Variants in DENND4C observed in about 807,000 individuals in gnomAD.
DENND4C encodes DENN domain-containing protein 4C.
DENND4C carries 108 observed loss-of-function variants against 203.0 expected under a neutral mutation model. The ratio of observed to expected loss-of-function variants is 0.53; its 90% confidence interval spans 0.46 to 0.62. DENND4C has a LOEUF of 0.62. Among genes scored for constraint, DENND4C ranks in the 20% least tolerant of loss-of-function variants. The pLI is 0.00. For synonymous variants in DENND4C, 871 were observed against 792.4 expected (o/e 1.10, Z -1.67); for missense variants, 2,481 against 2,301.2 (o/e 1.08, Z -1.60).
At chr9:19,281,687 G>T (rs1834072510) in intron 2 of DENND4C, among the ~76,000 whole-genome samples, 1 of 152,154 alleles carries the variant, frequency 6.6e-6, no homozygotes, top group Non-Finnish European at 1.5e-5. Context: ...TTAACGATGG[G>T]AATACATTCT....
At chr9:19,345,213 G>A (rs955386109) in intron 22 of DENND4C, among the ~76,000 whole-genome samples, 1 of 152,206 alleles carries the variant, frequency 6.6e-6, no homozygotes, top group East Asian at 1.9e-4. Context: ...GTAAAAGACT[G>A]CTTTCTTTTT....
chr9:19,254,883 G>T (rs560491995), intron 1 of DENND4C, among the ~76,000 whole-genome samples: 1 of 152,264 alleles, frequency 6.6e-6, no homozygotes, highest in African/African-American at 2.4e-5. Flanking sequence ...TGTAACCCCC[G>T]CACTTTGGGA....
intron 23 of DENND4C, among the ~76,000 whole-genome samples, chr9:19,348,235 T>A (rs1217237220): frequency 6.6e-6 from 1 of 152,196 alleles, no homozygotes; most frequent in South Asian, 2.1e-4. Context: ...AGAGGCTAAT[T>A]AGCTTCTCAA....
chr9:19,320,685 C>T (rs1032811476), intron 12 of DENND4C, among the ~76,000 whole-genome samples: 1 of 152,204 alleles, frequency 6.6e-6, no homozygotes, highest in Non-Finnish European at 1.5e-5. Flanking sequence ...GTGCTCACTT[C>T]TTCCTATTGC....
At chr9:19,234,791 C>G (rs1225164720) in intron 1 of DENND4C, among the ~76,000 whole-genome samples, 1 of 152,004 alleles carries the variant, frequency 6.6e-6, no homozygotes, top group Non-Finnish European at 1.5e-5. Flanking sequence ...ATCCACCCAT[C>G]TCAGCCTCCC....
intron 31 of DENND4C, among the ~76,000 whole-genome samples, chr9:19,370,691 C>T (rs1054768295): frequency 6.6e-6 from 1 of 152,158 alleles, no homozygotes; most frequent in Non-Finnish European, 1.5e-5. Flanking sequence ...AAGAGATAGA[C>T]GCAGTGAACT....
intron 1 of DENND4C, among the ~76,000 whole-genome samples, chr9:19,256,426 C>G (rs1030640354): frequency 2.0e-5 from 3 of 148,798 alleles, no homozygotes; most frequent in Admixed American, 1.4e-4. Flanking sequence ...AAGCGATTCT[C>G]CTGTCGCAGC....
intron 26 of DENND4C, among the ~76,000 whole-genome samples, chr9:19,354,527 C>A (rs1362580904): frequency 7.1e-6 from 1 of 141,844 alleles, no homozygotes; most frequent in African/African-American, 2.6e-5. Context: ...TTGAGTGTCT[C>A]TTCATTACTT....
At chr9:19,356,212 T>C (rs1825364339) in intron 26 of DENND4C, among the ~76,000 whole-genome samples, 1 of 152,140 alleles carries the variant, frequency 6.6e-6, no homozygotes, top group Admixed American at 6.5e-5. Context: ...CATTTGAAGG[T>C]GAGATAGAGA....
chr9:19,356,995 C>G lies in DENND4C; in HGVS notation c.4805C>G (p.Ser1602Cys). 1 of 1,613,904 alleles carries G rather than the reference C, an allele frequency of 6.2e-7. No individual in the cohort carries two copies. The highest frequency in any genetic ancestry group is 1.7e-4 in the Middle Eastern group (1 of 6,060). The change falls in exon 27 of 33, where the codon TCT becomes TGT. Residue 1602 changes from serine (S) to cysteine (C), a missense_variant. Physicochemically the swap from Ser to Cys is moderately radical, Grantham distance 112. This residue lies in a region of DENND4C where 2,289 missense variants were observed against 2,113.3 expected (regional missense o/e 1.08). Coordinates refer to ENST00000434457, the MANE Select transcript of DENND4C (RefSeq NM_001330640.2). The stretch of plus-strand genomic sequence containing the variant: ...AGCTTTTTCCTGAAACCAAGTACCT[C>G]TGGTGACAGTTTACAAAGTGGAAGC... Reference protein sequence around the residue: ...SASFFLKPSTSGDSLQSGSIP... With the variant: ...SASFFLKPSTCGDSLQSGSIP...
intron 12 of DENND4C, among the ~76,000 whole-genome samples, chr9:19,322,610 C>T (rs1209605460): frequency 6.6e-6 from 1 of 151,770 alleles, no homozygotes; most frequent in Admixed American, 6.6e-5. Context: ...GTGGCGGGCG[C>T]CTGTAGTCCC....
At position 19,256,087 on chromosome 9, in the gene DENND4C, G is replaced by GAA. The variant is rs78567132; in HGVS notation, c.-17-20059_-17-20058dup. Among the ~76,000 whole-genome samples, 159 of 117,716 alleles carry GAA rather than the reference G, an allele frequency of 1.4e-3. 4 individuals are homozygous for GAA. Among genetic ancestry groups the GAA allele is most frequent in the Non-Finnish European group, 1.3e-3 (67 of 53,178 alleles). The allele number at this position is 117,716 out of a possible 152,430, so 77.2% of individuals were successfully genotyped here. A position where few individuals can be genotyped will look rare whatever the true frequency, so the allele number is the denominator to read the frequency against. On this transcript the variant is annotated intron_variant, in intron 1 of 32. Coordinates refer to ENST00000434457, the MANE Select transcript of DENND4C (RefSeq NM_001330640.2). ...ACCCTGTCTCTGCAAAAAAATAAATGAAAAAAAAAAAAAGACCAGATTCTT... is the reference window on the plus strand; with the variant it reads ...ACCCTGTCTCTGCAAAAAAATAAATGAAAAAAAAAAAAAAAGACCAGATTCTT...
chr9:19,314,377 C>T (rs548203973), intron 10 of DENND4C, among the ~76,000 whole-genome samples: 3 of 152,192 alleles, frequency 2.0e-5, no homozygotes, highest in African/African-American at 7.2e-5. Flanking sequence ...TCGCTTGAAC[C>T]TGGGAGGTGG....
intron 1 of DENND4C, among the ~76,000 whole-genome samples, chr9:19,272,054 A>G (rs772030067): frequency 1.3e-5 from 2 of 152,154 alleles, no homozygotes; most frequent in Non-Finnish European, 2.9e-5. Context: ...ATGTTGAGCA[A>G]TTGACTTTTG....
At position 19,352,649 on chromosome 9, in the gene DENND4C, T is replaced by C. The variant is rs556166363; in HGVS notation, c.4765T>C (p.Leu1589=). 8.7e-6 allele frequency: 14 copies of C among 1,605,856 alleles called. No individual in the cohort carries two copies. In the African/African-American group the frequency reaches 1.2e-4, roughly 14 times the overall value. ...TCTTCTCAATATAGAATTCAAAGAT[T>C]TGAGAGGTTCTGCAAGGTTAGTCTT... The part of the protein sequence containing the change: ...LPLLNIEFKD[L]RGSASFFLKP... Residue 1589 remains leucine (L), a synonymous_variant, in exon 26 of 33, where the codon TTG becomes CTG. Coordinates refer to ENST00000434457, the MANE Select transcript of DENND4C (RefSeq NM_001330640.2).
intron 1 of DENND4C, among the ~76,000 whole-genome samples, chr9:19,242,897 A>T (rs530894995): frequency 1.4e-4 from 21 of 152,036 alleles, no homozygotes; most frequent in African/African-American, 4.6e-4. Context: ...CTCATGATCC[A>T]CCTGCCTCAG....
At chr9:19,236,056 T>C (rs1483391134) in intron 1 of DENND4C, among the ~76,000 whole-genome samples, 2 of 152,098 alleles carry the variant, frequency 1.3e-5, no homozygotes, top group Non-Finnish European at 2.9e-5. Context: ...TAGTTTTTTA[T>C]TGTGTATATG....
chr9:19,359,343 ATAAC>A (rs1825996583), intron 28 of DENND4C, among the ~76,000 whole-genome samples: 1 of 151,746 alleles, frequency 6.6e-6, no homozygotes, highest in Admixed American at 6.6e-5. Flanking sequence ...AGCCTCCCTA[ATAAC>A]TGGAACCACA....
At chr9:19,350,369 A>G (rs184646412) in intron 23 of DENND4C, among the ~76,000 whole-genome samples, 1 of 152,150 alleles carries the variant, frequency 6.6e-6, no homozygotes, top group East Asian at 1.9e-4. Context: ...AAAAACCCCT[A>G]CTCTACTTGT....
Sources: allele counts gnomAD v4.1 joint callset (sites outside exome capture counted in the v4.1 genomes callset), GRCh38; gene constraint gnomAD v4.1.1; regional missense constraint gnomAD v4.1.1; transcripts MANE v1.5; gene names NCBI Gene and HGNC (gene_info 2026-07-23, HGNC 2026-07-21).